DCDC1: variants seen among roughly 807,000 people sequenced by gnomAD.
DCDC1 encodes doublecortin domain containing 1, also known as doublecortin domain-containing protein 1.
A neutral mutation model predicts 178.3 loss-of-function variants in DCDC1; 200 were observed. The observed-to-expected ratio is 1.12, with a 90% confidence interval of 1.00 to 1.26. The LOEUF (loss-of-function observed/expected upper bound fraction) is 1.26, where lower values mean the gene tolerates loss of function less well. DCDC1 is among the 50% of genes most tolerant of loss of function. The probability of loss-of-function intolerance (pLI) is 0.00; values close to 1 mark genes in which losing one functional copy is unlikely to be tolerated. For missense variants in DCDC1, 1,983 were observed against 1,749.2 expected (o/e 1.13, Z -2.38); for synonymous variants, 690 against 604.8 (o/e 1.14, Z -2.07).
intron 20 of DCDC1, among the ~76,000 whole-genome samples, chr11:30,971,525 T>TA (rs34238283): frequency 0.12 from 17,568 of 146,914 alleles, 1,329 homozygotes; most frequent in East Asian, 0.19. Flanking sequence ...TTGAATGACA[T>TA]AAAAAAATAC....
chr11:30,983,143 T>C (rs1416073253), intron 20 of DCDC1, among the ~76,000 whole-genome samples: 1 of 152,104 alleles, frequency 6.6e-6, no homozygotes, highest in African/African-American at 2.4e-5. Context: ...GCCATAAACA[T>C]GGAACTTAAC....
chr11:31,033,531 T>C (rs1953811713), intron 20 of DCDC1, among the ~76,000 whole-genome samples: 1 of 152,190 alleles, frequency 6.6e-6, no homozygotes, highest in South Asian at 2.1e-4. Flanking sequence ...TATAAATTCA[T>C]GAATATTTAT....
chr11:31,159,791 A>C (rs1381571361), intron 9 of DCDC1, among the ~76,000 whole-genome samples: 2 of 152,214 alleles, frequency 1.3e-5, no homozygotes, highest in Admixed American at 6.5e-5. Flanking sequence ...AAAAGAAAAA[A>C]AATCAATGGC....
At chr11:31,306,156 A>G in intron 5 of DCDC1, 76 bp downstream of exon 5, 1 of 1,274,146 alleles carries the variant, frequency 7.8e-7, no homozygotes, top group African/African-American at 1.6e-5. Context: ...ATTAACAATA[A>G]TTTTCTCATT....
chr11:30,882,275 G>A (rs904485321), intron 36 of DCDC1: 3 of 152,216 alleles, frequency 2.0e-5, no homozygotes, highest in Admixed American at 6.5e-5. Context: ...GAGTGATGGG[G>A]CGATGCAGTT....
chr11:31,104,336 A>G (rs1374535802), intron 13 of DCDC1, among the ~76,000 whole-genome samples: 3 of 152,106 alleles, frequency 2.0e-5, no homozygotes, highest in Non-Finnish European at 1.5e-5. Flanking sequence ...AAGACTCGCT[A>G]TTTATCTCTA....
chr11:30,962,331 C>G (rs1949151200), intron 20 of DCDC1, among the ~76,000 whole-genome samples: 1 of 151,822 alleles, frequency 6.6e-6, no homozygotes, highest in Non-Finnish European at 1.5e-5. Flanking sequence ...TGCCCTATCT[C>G]TTTACATTAT....
At chr11:31,139,326 T>C (rs1413591760) in intron 9 of DCDC1, among the ~76,000 whole-genome samples, 1 of 152,110 alleles carries the variant, frequency 6.6e-6, no homozygotes, top group Non-Finnish European at 1.5e-5. Context: ...TGAAAAATCA[T>C]TATGTGAAAC....
At chr11:31,147,997 G>C (rs538313342) in intron 9 of DCDC1, among the ~76,000 whole-genome samples, 1 of 152,104 alleles carries the variant, frequency 6.6e-6, no homozygotes, top group Non-Finnish European at 1.5e-5. Flanking sequence ...CCCTTAGCTC[G>C]CAGAGCACAG....
intron 21 of DCDC1, among the ~76,000 whole-genome samples, chr11:30,932,588 T>C (rs908626814): frequency 3.9e-5 from 6 of 152,160 alleles, no homozygotes; most frequent in Admixed American, 3.3e-4. Context: ...AAGATACTCT[T>C]CCTCGAATAA....
At chr11:31,213,100 C>CGTGT (rs1972851664) in intron 9 of DCDC1, among the ~76,000 whole-genome samples, 6 of 44,242 alleles carry the variant, frequency 1.4e-4, no homozygotes, top group African/African-American at 5.1e-4. Context: ...TAAAGCCCAG[C>CGTGT]CTCTCTCTCT....
chr11:30,901,956 G>T (rs1944706821), intron 32 of DCDC1, among the ~76,000 whole-genome samples: 1 of 152,024 alleles, frequency 6.6e-6, no homozygotes, highest in African/African-American at 2.4e-5. Flanking sequence ...ATGTGCGTGT[G>T]TGTATATAAA....
At chr11:30,888,144 AAGAAAG>A (rs1554959135) in intron 36 of DCDC1, among the ~76,000 whole-genome samples, 26 of 142,138 alleles carry the variant, frequency 1.8e-4, no homozygotes, top group African/African-American at 5.5e-4. Flanking sequence ...GAAAGAAAGA[AAGAAAG>A]AAAGAAAGAA....
intron 20 of DCDC1, among the ~76,000 whole-genome samples, chr11:31,049,156 GCT>G (rs1350453001): frequency 6.6e-6 from 1 of 152,140 alleles, no homozygotes; most frequent in Non-Finnish European, 1.5e-5. Context: ...AAAATAAAAT[GCT>G]GTCAGAAAGT....
Position 31,274,317 on chromosome 11 carries a change from T to TACTA in DCDC1, c.961-8721_961-8718dup, listed in dbSNP as rs1402861816. On this transcript the variant is annotated intron_variant, in intron 7 of 38. Coordinates refer to ENST00000684477, the MANE Select transcript of DCDC1 (RefSeq NM_001387274.1). ...TTCATCAATTCAAAATATTATTGAC[T>TACTA]ACTAATATCTCCCAAGTGCCTGGAT... Among the ~76,000 whole-genome samples, 4 of 152,172 alleles carry TACTA rather than the reference T, an allele frequency of 2.6e-5. No individual in the cohort carries two copies. The East Asian group carries it at 7.7e-4, about 29-fold the overall frequency.
chr11:31,062,390 C>A (rs1238914886), intron 20 of DCDC1, among the ~76,000 whole-genome samples: 3 of 152,062 alleles, frequency 2.0e-5, no homozygotes, highest in African/African-American at 7.2e-5. Context: ...AAGGACTTTC[C>A]CCAAGGGAAT....
chr11:31,258,763 T>C (rs1944582570), intron 8 of DCDC1, among the ~76,000 whole-genome samples: 1 of 152,160 alleles, frequency 6.6e-6, no homozygotes, highest in African/African-American at 2.4e-5. Context: ...AGGGGGAAAC[T>C]GTGCCCATGA....
intron 22 of DCDC1, among the ~76,000 whole-genome samples, chr11:30,931,532 T>A (rs1946921127): frequency 1.3e-5 from 2 of 152,082 alleles, no homozygotes; most frequent in Admixed American, 6.6e-5. Context: ...ATAGAACTTT[T>A]AAAAAATCAG....
At chr11:31,321,579 G>A (rs905808342) in intron 3 of DCDC1, among the ~76,000 whole-genome samples, 5 of 152,014 alleles carry the variant, frequency 3.3e-5, no homozygotes, top group East Asian at 1.9e-4. Context: ...AGATGAACCC[G>A]GTACCTCAGA....
Sources: allele counts gnomAD v4.1 joint callset (sites outside exome capture counted in the v4.1 genomes callset), GRCh38; gene constraint gnomAD v4.1.1; transcripts MANE v1.5; gene names NCBI Gene and HGNC (gene_info 2026-07-23, HGNC 2026-07-21).